The following LDLRAD4 variants were observed in gnomAD, a reference collection of about 807,000 sequenced individuals.
The protein encoded by LDLRAD4 is low-density lipoprotein receptor class A domain-containing protein 4.
LDLRAD4 carries 5 observed loss-of-function variants against 17.0 expected under a neutral mutation model. The ratio of observed to expected loss-of-function variants is 0.29; its 90% CI spans 0.15 to 0.62. The LOEUF is 0.62. Ranked by LOEUF, LDLRAD4 falls within the 20% of genes least tolerant of loss-of-function variation. The pLI, the probability that LDLRAD4 is intolerant of heterozygous loss-of-function variation, is 0.84. For missense variants in LDLRAD4, 340 were observed against 424.7 expected (o/e 0.80, Z 1.75); for synonymous variants, 168 against 171.8 (o/e 0.98, Z 0.17).
chr18:13,226,710 G>GAATAAAATAA (rs60378544), intron 1 of LDLRAD4, among the ~76,000 whole-genome samples: 34,122 of 139,350 alleles, frequency 0.24, 4,932 homozygotes, highest in Non-Finnish European at 0.32. Context: ...TTTAAAATTT[G>GAATAAAATAA]AATAAAATAA....
At chr18:13,341,795 T>TA (rs2082388301) in intron 1 of LDLRAD4, among the ~76,000 whole-genome samples, 1 of 152,194 alleles carries the variant, frequency 6.6e-6, no homozygotes, top group Non-Finnish European at 1.5e-5. Flanking sequence ...AAAGTGGACT[T>TA]TCTTGTCTTA....
intron 3 of LDLRAD4, among the ~76,000 whole-genome samples, chr18:13,587,485 G>A (rs1052905264): frequency 2.0e-5 from 3 of 152,256 alleles, no homozygotes; most frequent in Middle Eastern, 6.8e-3. Flanking sequence ...CTGCATGCCC[G>A]CTGAGTGGAA....
chr18:13,586,324 T>C (rs919965639), intron 3 of LDLRAD4, among the ~76,000 whole-genome samples: 4 of 139,956 alleles, frequency 2.9e-5, no homozygotes, highest in Non-Finnish European at 4.5e-5. Flanking sequence ...AGAGAACTGC[T>C]TGAACCCGGG....
At chr18:13,545,444 T>C (rs966149956) in intron 3 of LDLRAD4, among the ~76,000 whole-genome samples, 2 of 152,126 alleles carry the variant, frequency 1.3e-5, no homozygotes, top group Non-Finnish European at 2.9e-5. Context: ...TGATCAAATA[T>C]GAAGTTTGCA....
At chr18:13,313,822 GC>G (rs1166549745) in intron 1 of LDLRAD4, among the ~76,000 whole-genome samples, 5 of 129,170 alleles carry the variant, frequency 3.9e-5, no homozygotes, top group African/African-American at 9.9e-5. Flanking sequence ...ACAGCCGTGT[GC>G]GGGGGGGTGC....
chr18:13,384,783 C>G (rs1379453581), intron 1 of LDLRAD4, among the ~76,000 whole-genome samples: 1 of 152,148 alleles, frequency 6.6e-6, no homozygotes, highest in Non-Finnish European at 1.5e-5. Context: ...AATGTCCTCC[C>G]GTTTCATCCA....
intron 3 of LDLRAD4, among the ~76,000 whole-genome samples, chr18:13,493,320 T>C (rs2093397634): frequency 6.6e-6 from 1 of 152,192 alleles, no homozygotes; most frequent in Non-Finnish European, 1.5e-5. Context: ...TGTCTTTCTT[T>C]TTCTATTTTT....
At chr18:13,593,334 A>AAAAAACG (rs2095051453) in intron 3 of LDLRAD4, among the ~76,000 whole-genome samples, 1 of 152,214 alleles carries the variant, frequency 6.6e-6, no homozygotes, top group Admixed American at 6.5e-5. Flanking sequence ...AACAAAAAAC[A>AAAAAACG]AAAACAGTCT....
intron 1 of LDLRAD4, among the ~76,000 whole-genome samples, chr18:13,219,824 G>T (rs1366798616): frequency 6.6e-6 from 1 of 152,228 alleles, no homozygotes; most frequent in Admixed American, 6.5e-5. Context: ...GACAGAGAAG[G>T]TTCTGCAAAG....
chr18:13,645,741 A>G lies in LDLRAD4; in HGVS notation c.*84A>G. On this transcript the variant is annotated 3_prime_UTR_variant, in exon 6 of 6. Coordinates refer to ENST00000359446, the Ensembl canonical transcript of LDLRAD4. This position sits in a 1 kb window ranked among gnomAD's most constrained non-coding sequence, Gnocchi z 5.7. ...GCCCCTCCTGCGCACAGTGTTGTTCAGTTTCACATGGTACAAATAAGTAAA... is the reference window on the plus strand; with the variant it reads ...GCCCCTCCTGCGCACAGTGTTGTTCGGTTTCACATGGTACAAATAAGTAAA... The G allele has an allele frequency of 9.3e-7, 1 of 1,072,692 alleles. No individual in the cohort carries two copies. Among genetic ancestry groups the G allele is most frequent in the Non-Finnish European group, 1.3e-6 (1 of 763,676 alleles). The allele number at this position is 1,072,692 out of a possible 1,614,324, so 66.4% of individuals were successfully genotyped here. A position where few individuals can be genotyped will look rare whatever the true frequency, so the allele number is the denominator to read the frequency against.
At chr18:13,238,576 G>A (rs560303755) in intron 1 of LDLRAD4, among the ~76,000 whole-genome samples, 20 of 152,318 alleles carry the variant, frequency 1.3e-4, no homozygotes, top group African/African-American at 4.8e-4. Flanking sequence ...GTGGGACTCA[G>A]CACCCACAGA....
chr18:13,532,881 C>T (rs2094149399), intron 3 of LDLRAD4, among the ~76,000 whole-genome samples: 1 of 152,196 alleles, frequency 6.6e-6, no homozygotes, highest in Non-Finnish European at 1.5e-5. Context: ...AGCTGAGGGT[C>T]AGGGGCCCTG....
chr18:13,281,072 C>T (rs563398734), intron 1 of LDLRAD4, among the ~76,000 whole-genome samples: 58 of 152,248 alleles, frequency 3.8e-4, no homozygotes, highest in Admixed American at 1.2e-3. Flanking sequence ...AAGTGATCTT[C>T]GGCACCGTGC....
At chr18:13,631,421 T>C (rs1019484535) in intron 4 of LDLRAD4, among the ~76,000 whole-genome samples, 2 of 152,110 alleles carry the variant, frequency 1.3e-5, no homozygotes, top group African/African-American at 4.8e-5. Context: ...TACCAAACAT[T>C]TAAAGAATTG....
intron 1 of LDLRAD4, among the ~76,000 whole-genome samples, chr18:13,234,061 AT>A (rs2145561846): frequency 6.6e-6 from 1 of 152,226 alleles, no homozygotes; most frequent in East Asian, 1.9e-4. Flanking sequence ...GTTCGTCCCA[AT>A]ATGATCACTT....
At chr18:13,246,359 T>C (rs1159046732) in intron 1 of LDLRAD4, among the ~76,000 whole-genome samples, 1 of 152,228 alleles carries the variant, frequency 6.6e-6, no homozygotes, top group Non-Finnish European at 1.5e-5. Context: ...TTCTGGTGCA[T>C]TTCTGCAGTC....
intron 3 of LDLRAD4, among the ~76,000 whole-genome samples, chr18:13,600,386 G>A (rs1046606577): frequency 6.6e-6 from 1 of 152,216 alleles, no homozygotes; most frequent in Non-Finnish European, 1.5e-5. Context: ...AATGAGACAT[G>A]TGAGGACTGC....
intron 3 of LDLRAD4, among the ~76,000 whole-genome samples, chr18:13,562,309 C>G (rs2094550064): frequency 6.6e-6 from 1 of 152,224 alleles, no homozygotes; most frequent in African/African-American, 2.4e-5. Context: ...GACTGGCCAC[C>G]TTGAGGCTTT....
chr18:13,471,811 A>G (rs983554569), intron 3 of LDLRAD4: 1 of 152,254 alleles, frequency 6.6e-6, no homozygotes. Flanking sequence ...GTGAGACTCC[A>G]TTTTTCTTGA....
Sources: gnomAD v4.1 joint callset for allele counts (sites outside exome capture counted in the v4.1 genomes callset) on GRCh38, gnomAD v4.1.1 for gene constraint, Gnocchi (gnomAD v3.1) non-coding constraint, MANE v1.5 for transcripts, NCBI Gene and HGNC (gene_info 2026-07-23, HGNC 2026-07-21) for gene names.